The following DCDC1 variants were observed in gnomAD, a reference collection of about 807,000 sequenced individuals.
DCDC1 encodes the protein doublecortin domain-containing protein 1.
DCDC1 carries 200 observed loss-of-function variants against 178.3 expected under a neutral mutation model. That is an observed-to-expected ratio of 1.12 (90% CI 1.00 to 1.26). The LOEUF (loss-of-function observed/expected upper bound fraction) is 1.26. Ranked by LOEUF, DCDC1 falls within the 50% of genes most tolerant of loss-of-function variation. The probability of loss-of-function intolerance (pLI) is 0.00; values close to 1 mark genes in which losing one functional copy is unlikely to be tolerated. For missense variants in DCDC1, 1,983 were observed against 1,749.2 expected (o/e 1.13, Z -2.38); for synonymous variants, 690 against 604.8 (o/e 1.14, Z -2.07).
At chr11:30,926,617 C>A (rs969647715) in intron 22 of DCDC1, among the ~76,000 whole-genome samples, 50 of 152,178 alleles carry the variant, frequency 3.3e-4, no homozygotes, top group Admixed American at 1.0e-3. Context: ...GTAGAAGATT[C>A]TTGCTAAATA....
At chr11:31,290,895 A>C in intron 6 of DCDC1, 43 bp from the exon 7 acceptor site, 1 of 1,572,762 alleles carries the variant, frequency 6.4e-7, no homozygotes, top group Non-Finnish European at 8.7e-7. Flanking sequence ...TTGGCTTCAA[A>C]ATTAAAAATG....
intron 9 of DCDC1, chr11:31,215,076 G>T: frequency 5.4e-6 from 1 of 186,556 alleles, no homozygotes. Context: ...TGGGTGAGAA[G>T]TCCCACATTT....
At chr11:31,083,383 A>G (rs1957301452) in intron 17 of DCDC1, among the ~76,000 whole-genome samples, 1 of 152,220 alleles carries the variant, frequency 6.6e-6, no homozygotes, top group South Asian at 2.1e-4. Context: ...TGGCAGGTCC[A>G]TTAGTCCATT....
chr11:30,985,449 G>C (rs377114259), intron 20 of DCDC1, among the ~76,000 whole-genome samples: 3 of 151,836 alleles, frequency 2.0e-5, no homozygotes, highest in Admixed American at 2.0e-4. Context: ...TTATGTTTAT[G>C]GTATGCCTAT....
chr11:31,265,553 T>A lies in DCDC1; in HGVS notation c.1008A>T (p.Arg336Ser), dbSNP rs775729021. Reference sequence around the variant, plus strand: ...TTCTGCCATACAAATCATAAAAATATCTGGCTGGTAAATTTAGATTCATTC... The same window carrying A: ...TTCTGCCATACAAATCATAAAAATAACTGGCTGGTAAATTTAGATTCATTC... ...TIRMNLNLPA[R>S]YFYDLYGRKI... Residue 336 changes from arginine to serine, a missense_variant, in exon 8 of 39, where the codon AGA becomes AGT. Transcript: ENST00000684477. 4.8e-6 allele frequency: 7 copies of A among 1,446,546 alleles called. No homozygotes were observed. The Admixed American group carries it at 1.5e-4, about 31-fold the overall frequency. The allele number at this position is 1,446,546 out of a possible 1,614,324, so 89.6% of individuals were successfully genotyped here. A position where few individuals can be genotyped will look rare whatever the true frequency, so the allele number is the denominator to read the frequency against.
intron 16 of DCDC1, 54 bp from the exon 17 acceptor site, chr11:31,091,565 A>C (rs1395045311): frequency 2.9e-6 from 2 of 697,470 alleles, no homozygotes; most frequent in Admixed American, 2.0e-5. Context: ...AAGAACCAGA[A>C]AATTCAACAA....
chr11:31,367,673 C>T (rs531796678), intron 1 of DCDC1, among the ~76,000 whole-genome samples: 1 of 152,316 alleles, frequency 6.6e-6, no homozygotes, highest in South Asian at 2.1e-4. Context: ...GGGCACAATA[C>T]ATACCAGCTT....
intron 9 of DCDC1, among the ~76,000 whole-genome samples, chr11:31,177,312 AG>A (rs974034928): frequency 4.6e-5 from 7 of 152,058 alleles, no homozygotes; most frequent in Admixed American, 2.0e-4. Flanking sequence ...ATAAGAAAGT[AG>A]GGGGAAAAAA....
intron 26 of DCDC1, 39 bp downstream of exon 26, chr11:30,916,831 G>A (rs1490780539): frequency 1.3e-6 from 2 of 1,552,078 alleles, no homozygotes; most frequent in Admixed American, 3.8e-5. Flanking sequence ...ACTAACACTA[G>A]ACAGAAATCT....
intron 21 of DCDC1, among the ~76,000 whole-genome samples, chr11:30,937,603 A>G (rs2134361015): frequency 6.6e-6 from 1 of 151,954 alleles, no homozygotes; most frequent in Non-Finnish European, 1.5e-5. Flanking sequence ...TTTTCTGACT[A>G]CCTATTCCAC....
chr11:31,194,732 T>C (rs558795023), intron 9 of DCDC1, among the ~76,000 whole-genome samples: 3 of 152,222 alleles, frequency 2.0e-5, no homozygotes, highest in Middle Eastern at 6.8e-3. Context: ...AATACTGTGA[T>C]GGACATTTTT....
At chr11:31,085,066 T>C (rs549472949) in intron 17 of DCDC1, among the ~76,000 whole-genome samples, 1 of 151,984 alleles carries the variant, frequency 6.6e-6, no homozygotes, top group Admixed American at 6.6e-5. Context: ...AGGCCATTGA[T>C]GAACTATCCC....
chr11:31,149,742 C>T (rs1326767935), intron 9 of DCDC1, among the ~76,000 whole-genome samples: 1 of 151,584 alleles, frequency 6.6e-6, no homozygotes, highest in African/African-American at 2.4e-5. Flanking sequence ...GTATCACTCA[C>T]TGCGAAGGTC....
intron 9 of DCDC1, among the ~76,000 whole-genome samples, chr11:31,225,272 C>G (rs1022864952): frequency 6.6e-6 from 1 of 150,670 alleles, no homozygotes; most frequent in Non-Finnish European, 1.5e-5. Context: ...ATACAATATC[C>G]AGAAAACTAA....
At position 30,880,924 on chromosome 11, in the gene DCDC1, C is replaced by A. The variant is rs555035535; in HGVS notation, c.5233+234G>T. Among the ~76,000 whole-genome samples the A allele has an allele frequency of 2.6e-5, 4 of 152,198 alleles. No homozygotes were observed. The South Asian group carries it at 8.3e-4, about 32-fold the overall frequency. On this transcript the variant is annotated intron_variant, in intron 37 of 38. Coordinates refer to ENST00000684477, the MANE Select transcript of DCDC1 (RefSeq NM_001387274.1). ...CTCTCAGTATTTCTGCAAATAAGCC[C>A]CCTGGATAAGGTTCAAGATTAACTG...
At chr11:31,087,727 C>T (rs1957566738) in intron 17 of DCDC1, among the ~76,000 whole-genome samples, 1 of 152,070 alleles carries the variant, frequency 6.6e-6, no homozygotes, top group African/African-American at 2.4e-5. Context: ...CTTATTTAAA[C>T]TTGTTTCATA....
chr11:30,902,448 A>G (rs1429351403), intron 32 of DCDC1, among the ~76,000 whole-genome samples: 1 of 152,206 alleles, frequency 6.6e-6, no homozygotes, highest in African/African-American at 2.4e-5. Flanking sequence ...ATTCTGTTAC[A>G]GCAACAATAA....
At chr11:31,218,712 GTCTAAC>G (rs764508395) in intron 9 of DCDC1, among the ~76,000 whole-genome samples, 1 of 152,132 alleles carries the variant, frequency 6.6e-6, no homozygotes, top group Non-Finnish European at 1.5e-5. Flanking sequence ...AAAACTCAGT[GTCTAAC>G]TCTAAGTAAC....
chr11:31,177,084 T>C (rs1328546618), intron 9 of DCDC1, among the ~76,000 whole-genome samples: 1 of 151,960 alleles, frequency 6.6e-6, no homozygotes, highest in African/African-American at 2.4e-5. Flanking sequence ...TCAAAAATAA[T>C]AACAGCTACA....
Sources: allele counts gnomAD v4.1 joint callset (sites outside exome capture counted in the v4.1 genomes callset), GRCh38; gene constraint gnomAD v4.1.1; transcripts MANE v1.5; gene names NCBI Gene and HGNC (gene_info 2026-07-23, HGNC 2026-07-21).